ADAMTS16: variants seen among roughly 807,000 people sequenced by gnomAD.
ADAMTS16 encodes ADAM metallopeptidase with thrombospondin type 1 motif 16.
In ADAMTS16, 94 loss-of-function variants were observed where a neutral mutation model predicts 145.8. The observed-to-expected ratio is 0.64, with a 90% CI of 0.55 to 0.77. The LOEUF is 0.77. Among genes scored for constraint, ADAMTS16 ranks in the 30% least tolerant of loss-of-function variants. The pLI is 0.00. For missense variants in ADAMTS16, 1,585 were observed against 1,591.5 expected, an observed-to-expected ratio of 1.00 and a Z score of 0.07; for synonymous variants, 659 against 604.3, an observed-to-expected ratio of 1.09 and a Z score of -1.33.
At chr5:5,162,341 A>G (rs1734760649) in intron 3 of ADAMTS16, among the ~76,000 whole-genome samples, 1 of 152,210 alleles carries the variant, frequency 6.6e-6, no homozygotes, top group Non-Finnish European at 1.5e-5. Context: ...CAGACCCATT[A>G]TCTAACCTGC....
At chr5:5,273,889 A>G (rs1368871360) in intron 18 of ADAMTS16, among the ~76,000 whole-genome samples, 2 of 152,230 alleles carry the variant, frequency 1.3e-5, no homozygotes, top group Non-Finnish European at 2.9e-5. Context: ...ATACAACATT[A>G]ACTTTCTGAA....
In ADAMTS16 at chr5:5,146,456, G is replaced by A. The variant is rs763049699; in HGVS notation, c.501+1G>A. On this transcript the variant is annotated splice_donor_variant, in intron 3 of 22. Coordinates refer to ENST00000274181, the MANE Select transcript of ADAMTS16 (RefSeq NM_139056.4). LOFTEE classifies it high-confidence loss of function. Reference sequence around the variant, plus strand: ...GGCCCTTTCAACCTGCCAAGGCTTGGTGAGTACAGCGCAAGCCCCAGGTAG... The same window carrying A: ...GGCCCTTTCAACCTGCCAAGGCTTGATGAGTACAGCGCAAGCCCCAGGTAG... 1 of 1,604,016 alleles carries A rather than the reference G, an allele frequency of 6.2e-7. No homozygotes were observed. The highest frequency in any genetic ancestry group is 2.2e-5 in the East Asian group (1 of 44,840).
intron 10 of ADAMTS16, among the ~76,000 whole-genome samples, chr5:5,217,796 G>A (rs193165842): frequency 1.6e-4 from 24 of 152,298 alleles, no homozygotes; most frequent in Admixed American, 8.5e-4. Flanking sequence ...AATACTCTGC[G>A]TAGGTTTTGA....
At position 5,262,798 on chromosome 5, in the gene ADAMTS16, G is replaced by A. The variant is rs369336175; in HGVS notation, c.2789+15G>A. ...TGTCCTCCCAGGTAAGAAGCATCGC[G>A]TTCATCAAAGCAGGTTTCCCAGTTT... On this transcript the variant is annotated intron_variant, in intron 18 of 22. Transcript: ENST00000274181. The A allele has an allele frequency of 3.7e-5, 60 of 1,612,182 alleles. No individual in the cohort carries two copies. The highest frequency in any genetic ancestry group is 8.0e-5 in the African/African-American group (6 of 74,816).
chr5:5,140,886 C>A, intron 2 of ADAMTS16, 120 bp downstream of exon 2: 2 of 975,424 alleles, frequency 2.1e-6, no homozygotes, highest in Non-Finnish European at 2.8e-6. Context: ...TTTTAAGATG[C>A]TGTTGTGAAC....
intron 3 of ADAMTS16, among the ~76,000 whole-genome samples, chr5:5,174,371 G>A (rs970761956): frequency 6.6e-6 from 1 of 151,458 alleles, no homozygotes; most frequent in African/African-American, 2.4e-5. Flanking sequence ...TTGCTTTTAG[G>A]ATTTTTTTTT....
chr5:5,264,833 G>C (rs1415813109), intron 18 of ADAMTS16, among the ~76,000 whole-genome samples: 2 of 152,200 alleles, frequency 1.3e-5, no homozygotes, highest in Admixed American at 1.3e-4. Flanking sequence ...TGAGGCATGG[G>C]ACACCCTCTG....
chr5:5,184,510 C>A (rs1024898388), intron 4 of ADAMTS16, among the ~76,000 whole-genome samples: 2 of 152,134 alleles, frequency 1.3e-5, no homozygotes, highest in Non-Finnish European at 2.9e-5. Flanking sequence ...TTCACACTTA[C>A]AATGATTCTT....
At chr5:5,238,325 T>C (rs1579332668) in intron 14 of ADAMTS16, among the ~76,000 whole-genome samples, 1 of 152,190 alleles carries the variant, frequency 6.6e-6, no homozygotes, top group Admixed American at 6.5e-5. Context: ...AGACTACTGA[T>C]TGGTTTTATT....
At chr5:5,256,063 G>A (rs968726445) in intron 17 of ADAMTS16, among the ~76,000 whole-genome samples, 47 of 152,148 alleles carry the variant, frequency 3.1e-4, no homozygotes, top group Non-Finnish European at 1.6e-4. Context: ...CTCTATTTCT[G>A]TTAATTGCTA....
chr5:5,175,694 G>A (rs912785666), intron 3 of ADAMTS16, among the ~76,000 whole-genome samples: 1 of 152,188 alleles, frequency 6.6e-6, no homozygotes, highest in Admixed American at 6.5e-5. Flanking sequence ...CACTGGGATG[G>A]TTCTGACCCT....
At chr5:5,197,912 A>G (rs919476566) in intron 8 of ADAMTS16, among the ~76,000 whole-genome samples, 2 of 152,094 alleles carry the variant, frequency 1.3e-5, no homozygotes, top group African/African-American at 4.8e-5. Flanking sequence ...CCAGCTCCTA[A>G]CCCTCGACCC....
At chr5:5,210,781 A>T (rs1345075430) in intron 10 of ADAMTS16, among the ~76,000 whole-genome samples, 1 of 152,172 alleles carries the variant, frequency 6.6e-6, no homozygotes, top group East Asian at 1.9e-4. Flanking sequence ...TTTATCACAC[A>T]ATTGTGTTGA....
chr5:5,198,299 T>C (rs567393727), intron 8 of ADAMTS16, among the ~76,000 whole-genome samples: 1 of 152,352 alleles, frequency 6.6e-6, no homozygotes, highest in East Asian at 1.9e-4. Context: ...ACATTTCCTC[T>C]GCCATGTGGT....
At chr5:5,240,241 C>T (rs1737247382) in intron 16 of ADAMTS16, among the ~76,000 whole-genome samples, 1 of 152,086 alleles carries the variant, frequency 6.6e-6, no homozygotes, top group African/African-American at 2.4e-5. Context: ...GAGGTGGGGT[C>T]TGACTTCGCC....
intron 9 of ADAMTS16, among the ~76,000 whole-genome samples, chr5:5,206,039 A>G (rs373570823): frequency 2.0e-5 from 3 of 152,084 alleles, no homozygotes; most frequent in East Asian, 3.9e-4. Flanking sequence ...GGTCACCTAG[A>G]TTTTCTCCTA....
chr5:5,296,855 G>A (rs749001060), intron 18 of ADAMTS16, among the ~76,000 whole-genome samples: 1 of 152,190 alleles, frequency 6.6e-6, no homozygotes. Context: ...TTGCCTACCC[G>A]TGTGTTACCA....
chr5:5,180,641 A>ACATAATT (rs1241298801), intron 3 of ADAMTS16, among the ~76,000 whole-genome samples: 1 of 152,230 alleles, frequency 6.6e-6, no homozygotes, highest in Non-Finnish European at 1.5e-5. Flanking sequence ...TTTAAAATGA[A>ACATAATT]CATAATTGAG....
chr5:5,300,464 C>T (rs1334166311), intron 18 of ADAMTS16, among the ~76,000 whole-genome samples: 1 of 152,196 alleles, frequency 6.6e-6, no homozygotes, highest in Non-Finnish European at 1.5e-5. Context: ...GCAACTCCTA[C>T]AACCCTGACA....
Sources: allele counts gnomAD v4.1 joint callset (sites outside exome capture counted in the v4.1 genomes callset), GRCh38; gene constraint gnomAD v4.1.1; transcripts MANE v1.5; gene names NCBI Gene and HGNC (gene_info 2026-07-23, HGNC 2026-07-21).